Variants in NTRK2 observed in about 807,000 individuals in gnomAD.
NTRK2 encodes neurotrophic receptor tyrosine kinase 2.
Under a neutral mutation model 94.5 loss-of-function variants are expected in NTRK2, and 13 were observed. That is an observed-to-expected ratio of 0.14 (90% CI 0.09 to 0.22). The LOEUF is 0.22. Ranked by LOEUF, NTRK2 falls within the 10% of genes least tolerant of loss-of-function variation. NTRK2 has a pLI of 1.00. For synonymous variants in NTRK2, 372 were observed against 407.4 expected (o/e 0.91, Z 1.05); for missense variants, 639 against 1,071.2 (o/e 0.60, Z 5.63).
intron 12 of NTRK2, chr9:84,813,685 C>G (rs2072063247): frequency 9.4e-7 from 1 of 1,066,102 alleles, no homozygotes. Context: ...CAACCCATTC[C>G]CTGGTTGGTC....
chr9:84,904,211 A>G (rs1254900478), intron 14 of NTRK2, among the ~76,000 whole-genome samples: 1 of 152,220 alleles, frequency 6.6e-6, no homozygotes, highest in Non-Finnish European at 1.5e-5. Context: ...TAGGAATCAC[A>G]TACAATGCTG....
At chr9:84,683,004 T>TG (rs2059488271) in intron 2 of NTRK2, among the ~76,000 whole-genome samples, 2 of 152,192 alleles carry the variant, frequency 1.3e-5, no homozygotes, top group South Asian at 4.1e-4. Flanking sequence ...AAGCTCTCTC[T>TG]GGCCTCTCTT....
chr9:84,751,556 G>A (rs1435195279), intron 11 of NTRK2, among the ~76,000 whole-genome samples: 1 of 152,028 alleles, frequency 6.6e-6, no homozygotes, highest in Non-Finnish European at 1.5e-5. Flanking sequence ...ACTTTAGCCT[G>A]AGCAACAAAG....
chr9:84,845,277 ACAC>A (rs2074411819), intron 12 of NTRK2, among the ~76,000 whole-genome samples: 1 of 151,884 alleles, frequency 6.6e-6, no homozygotes, highest in African/African-American at 2.4e-5. Context: ...ACACACACAC[ACAC>A]ACACGGCTAT....
At chr9:84,802,043 T>G (rs1189932995) in intron 12 of NTRK2, among the ~76,000 whole-genome samples, 1 of 152,232 alleles carries the variant, frequency 6.6e-6, no homozygotes, top group Non-Finnish European at 1.5e-5. Flanking sequence ...GGTTATGAAG[T>G]AGATCGCCTT....
chr9:84,982,388 C>T (rs902625112), intron 17 of NTRK2, among the ~76,000 whole-genome samples: 8 of 152,224 alleles, frequency 5.3e-5, no homozygotes, highest in Non-Finnish European at 8.8e-5. Flanking sequence ...GCCTGTGTCA[C>T]TCAGGAGTCT....
At chr9:84,689,511 C>A (rs886429935) in intron 2 of NTRK2, among the ~76,000 whole-genome samples, 4 of 152,122 alleles carry the variant, frequency 2.6e-5, no homozygotes, top group Non-Finnish European at 5.9e-5. Flanking sequence ...CAGTCATTTT[C>A]TCTTTTATTT....
intron 17 of NTRK2, among the ~76,000 whole-genome samples, chr9:84,967,994 C>T (rs1021504023): frequency 2.0e-5 from 3 of 152,172 alleles, no homozygotes; most frequent in Non-Finnish European, 4.4e-5. Context: ...ATTGTAGGAA[C>T]AACGACCTTA....
chr9:84,860,893 T>A (rs1207132319), intron 12 of NTRK2, 147 bp from the exon 13 acceptor site: 4 of 42,016 alleles, frequency 9.5e-5, no homozygotes, highest in Non-Finnish European at 2.4e-4. Flanking sequence ...AGTGGTTTGT[T>A]TATTTATTTA....
At chr9:84,995,573 C>T (rs1442047402) in intron 17 of NTRK2, among the ~76,000 whole-genome samples, 3 of 152,180 alleles carry the variant, frequency 2.0e-5, no homozygotes. Flanking sequence ...GGCTGTGCCG[C>T]TGGGTCTGCC....
intron 6 of NTRK2, among the ~76,000 whole-genome samples, chr9:84,714,767 A>G (rs1287317338): frequency 1.3e-5 from 2 of 152,208 alleles, no homozygotes; most frequent in Non-Finnish European, 2.9e-5. Flanking sequence ...ATACTTTAAA[A>G]ACACATCTGT....
chr9:85,019,816 G>T (rs538840002), intron 17 of NTRK2, among the ~76,000 whole-genome samples: 6 of 152,152 alleles, frequency 3.9e-5, no homozygotes, highest in Non-Finnish European at 8.8e-5. Flanking sequence ...GTCACTGGTT[G>T]GTCATTTTGG....
At chr9:84,779,034 A>G (rs891391598) in intron 12 of NTRK2, among the ~76,000 whole-genome samples, 8 of 152,186 alleles carry the variant, frequency 5.3e-5, no homozygotes, top group African/African-American at 1.9e-4. Flanking sequence ...TGCAGATTTG[A>G]GTGCCTCCTT....
At chr9:84,991,771 GC>G (rs1829102035) in intron 17 of NTRK2, among the ~76,000 whole-genome samples, 2 of 152,106 alleles carry the variant, frequency 1.3e-5, no homozygotes. Flanking sequence ...CAGGGCCAGT[GC>G]CCCCTTGCAG....
At chr9:84,768,921 G>A (rs139196843) in intron 12 of NTRK2, among the ~76,000 whole-genome samples, 83 of 152,230 alleles carry the variant, frequency 5.5e-4, no homozygotes, top group Middle Eastern at 3.4e-3. Flanking sequence ...CATCCCCTGC[G>A]GGACAGTAGA....
At chr9:84,781,779 C>T (rs2067594961) in intron 12 of NTRK2, among the ~76,000 whole-genome samples, 1 of 152,042 alleles carries the variant, frequency 6.6e-6, no homozygotes, top group Admixed American at 6.6e-5. Flanking sequence ...CATTTAAATG[C>T]AGTAAATAGA....
At position 84,847,754 on chromosome 9, in the gene NTRK2, T is replaced by C. The variant is rs200374811; in HGVS notation, c.1397-13286T>C. Reference sequence around the variant, plus strand: ...TCTGAGCCATTGGTTCCACCTTGAATCACATAGGTTGCCTGGGAGTTGGGT... The same window carrying C: ...TCTGAGCCATTGGTTCCACCTTGAACCACATAGGTTGCCTGGGAGTTGGGT... On this transcript the variant is annotated intron_variant, in intron 12 of 18. Coordinates refer to ENST00000277120, the MANE Select transcript of NTRK2 (RefSeq NM_006180.6). Among the ~76,000 whole-genome samples, 702 of 152,284 alleles carry C rather than the reference T, an allele frequency of 4.6e-3. 13 individuals carry two copies. Among genetic ancestry groups the C allele is most frequent in the Admixed American group, 0.037 (572 of 15,286 alleles).
At chr9:84,870,331 G>GTGTGTATGTATATATA (rs1349303529) in intron 14 of NTRK2, among the ~76,000 whole-genome samples, 1 of 31,176 alleles carries the variant, frequency 3.2e-5, no homozygotes, top group Non-Finnish European at 6.8e-5. Flanking sequence ...GTGTGTGTGT[G>GTGTGTATGTATATATA]TATATATATA....
intron 9 of NTRK2, 73 bp downstream of exon 9, chr9:84,728,032 A>C: frequency 7.2e-7 from 1 of 1,392,022 alleles, no homozygotes; most frequent in Non-Finnish European, 1.0e-6. Context: ...AATCATGTAT[A>C]CAATAAGCCA....
Sources: allele counts gnomAD v4.1 joint callset (sites outside exome capture counted in the v4.1 genomes callset), GRCh38; gene constraint gnomAD v4.1.1; transcripts MANE v1.5; gene names NCBI Gene and HGNC (gene_info 2026-07-23, HGNC 2026-07-21).